Variants in DNAI1 observed in about 807,000 individuals in gnomAD.
DNAI1 encodes the protein dynein, axonemal, intermediate polypeptide 1.
Under a neutral mutation model 92.0 loss-of-function variants are expected in DNAI1, and 67 were observed. The observed-to-expected ratio is 0.73, with a 90% CI of 0.60 to 0.89. The LOEUF is 0.89. DNAI1 is among the 40% of genes least tolerant of loss of function. The pLI, the probability that DNAI1 is intolerant of heterozygous loss-of-function variation, is 0.00. For synonymous variants in DNAI1, 323 were observed against 319.6 expected (o/e 1.01, Z -0.11); for missense variants, 839 against 866.6 (o/e 0.97, Z 0.40).
At chr9:34,494,672 T>C (rs1345315524) in intron 9 of DNAI1, among the ~76,000 whole-genome samples, 2 of 152,022 alleles carry the variant, frequency 1.3e-5, no homozygotes, top group African/African-American at 4.8e-5. Flanking sequence ...CCTTGCAGAG[T>C]TGGTGTCTAA....
At position 34,485,452 on chromosome 9, in the gene DNAI1, T is replaced by C. The variant is rs1422515903; in HGVS notation, c.196T>C (p.Phe66Leu). The C allele has an allele frequency of 1.4e-5, 22 of 1,613,866 alleles. No homozygotes were observed. Among genetic ancestry groups the C allele is most frequent in the Non-Finnish European group, 1.7e-5 (20 of 1,180,000 alleles). The change falls in exon 4 of 20, where the codon TTC (phenylalanine) becomes CTC (leucine). Residue 66 changes from phenylalanine to leucine, a missense_variant. Phe to Leu is a conservative substitution (Grantham distance 22, BLOSUM62 0). Coordinates refer to ENST00000242317, the MANE Select transcript of DNAI1 (RefSeq NM_012144.4). The stretch of plus-strand genomic sequence containing the variant: ...TCTCCCTCAGGAGTTAAAGGAGGAG[T>C]TCACTCGGATTTTGACAGCCAACAA... ...ELTDAELKEE[F>L]TRILTANNPH...
intron 1 of DNAI1, among the ~76,000 whole-genome samples, chr9:34,471,645 C>G (rs1025423179): frequency 2.6e-5 from 4 of 151,902 alleles, no homozygotes; most frequent in Non-Finnish European, 5.9e-5. Context: ...TGGTGGGCAC[C>G]TATAACCCCA....
At chr9:34,511,011 T>A (rs1825055825) in intron 13 of DNAI1, among the ~76,000 whole-genome samples, 1 of 152,152 alleles carries the variant, frequency 6.6e-6, no homozygotes. Context: ...TCTACTTCCC[T>A]CCAGCCCCCA....
In DNAI1 at chr9:34,503,226, G is replaced by T. The variant is rs568499677; in HGVS notation, c.1063+2045G>T. On this transcript the variant is annotated intron_variant, in intron 12 of 19. Coordinates refer to ENST00000242317, the MANE Select transcript of DNAI1 (RefSeq NM_012144.4). Reference sequence around the variant, plus strand: ...CCTGCAGAGGCCTGAATAGAACCAGGCTGGCTGAGACTCAGGAAGGCCCCT... The same window carrying T: ...CCTGCAGAGGCCTGAATAGAACCAGTCTGGCTGAGACTCAGGAAGGCCCCT... 5.3e-5 allele frequency among the ~76,000 whole-genome samples: 8 copies of T among 152,288 alleles called. No homozygotes were observed. In the South Asian group the frequency reaches 1.7e-3, roughly 32 times the overall value.
At chr9:34,475,124 T>C (rs1824213949) in intron 1 of DNAI1, among the ~76,000 whole-genome samples, 2 of 152,222 alleles carry the variant, frequency 1.3e-5, no homozygotes, top group Non-Finnish European at 2.9e-5. Flanking sequence ...AGATTTAAAA[T>C]GTATTCAGTG....
intron 1 of DNAI1, among the ~76,000 whole-genome samples, chr9:34,462,987 A>G (rs1337443185): frequency 6.6e-6 from 1 of 152,200 alleles, no homozygotes; most frequent in Non-Finnish European, 1.5e-5. Context: ...TATATAGTAT[A>G]TTAGATGGTG....
At chr9:34,474,207 T>A (rs945057379) in intron 1 of DNAI1, among the ~76,000 whole-genome samples, 11 of 152,148 alleles carry the variant, frequency 7.2e-5, no homozygotes, top group Admixed American at 7.2e-4. Context: ...TGTATATACA[T>A]CTTATTCAGG....
chr9:34,462,863 G>A (rs1199866532), intron 1 of DNAI1, among the ~76,000 whole-genome samples: 3 of 152,164 alleles, frequency 2.0e-5, no homozygotes, highest in Non-Finnish European at 2.9e-5. Flanking sequence ...CTCTGTGTTA[G>A]GTACTGTTCT....
At chr9:34,479,402 A>G (rs1232824054) in intron 1 of DNAI1, among the ~76,000 whole-genome samples, 3 of 152,154 alleles carry the variant, frequency 2.0e-5, no homozygotes, top group South Asian at 2.1e-4. Flanking sequence ...CTCCTTTGCC[A>G]TGGTTGGGAA....
chr9:34,515,786 AGAGATG>A (rs1326262530), intron 18 of DNAI1, among the ~76,000 whole-genome samples: 1 of 152,216 alleles, frequency 6.6e-6, no homozygotes, highest in African/African-American at 2.4e-5. Flanking sequence ...GCAAATTTGT[AGAGATG>A]GAAAGTCAAT....
intron 13 of DNAI1, among the ~76,000 whole-genome samples, chr9:34,509,560 T>C (rs987637158): frequency 3.3e-5 from 5 of 151,838 alleles, no homozygotes; most frequent in Non-Finnish European, 5.9e-5. Context: ...TGAGCATAGT[T>C]CGAAAATTGC....
intron 12 of DNAI1, among the ~76,000 whole-genome samples, chr9:34,503,041 C>G (rs1438774330): frequency 1.3e-5 from 2 of 152,154 alleles, no homozygotes; most frequent in Non-Finnish European, 2.9e-5. Flanking sequence ...TCAGGGAGCC[C>G]GAGCAGAGAA....
intron 1 of DNAI1, among the ~76,000 whole-genome samples, chr9:34,462,984 T>C (rs529093724): frequency 6.6e-6 from 1 of 152,228 alleles, no homozygotes; most frequent in African/African-American, 2.4e-5. Flanking sequence ...AAATATATAG[T>C]ATATTAGATG....
chr9:34,481,275 T>G (rs1824348715), intron 1 of DNAI1, among the ~76,000 whole-genome samples: 1 of 152,254 alleles, frequency 6.6e-6, no homozygotes, highest in Non-Finnish European at 1.5e-5. Flanking sequence ...TTTAAATCTC[T>G]TTATTGCCTG....
chr9:34,477,087 C>T (rs1000518988), intron 1 of DNAI1, among the ~76,000 whole-genome samples: 2 of 152,028 alleles, frequency 1.3e-5, no homozygotes, highest in Non-Finnish European at 2.9e-5. Flanking sequence ...ACAATCATAG[C>T]GCACTGCAGC....
Position 34,489,996 on chromosome 9 carries a change from G to A in DNAI1, c.389-16G>A, listed in dbSNP as rs1824552585. 2 of 1,613,636 alleles carry A rather than the reference G, an allele frequency of 1.2e-6. 1 individual carries two copies. The highest frequency in any genetic ancestry group is 2.2e-5 in the South Asian group (2 of 90,926). ...GCAGGCTTAGACTTTGAACTCATTGGCAGTATCCTACCAAGGTTCTCAGGA... is the reference window on the plus strand; with the variant it reads ...GCAGGCTTAGACTTTGAACTCATTGACAGTATCCTACCAAGGTTCTCAGGA... On this transcript the variant is annotated splice_polypyrimidine_tract_variant and intron_variant, in intron 5 of 19. Coordinates refer to ENST00000242317, the MANE Select transcript of DNAI1 (RefSeq NM_012144.4).
At chr9:34,517,800 C>T (rs1825198673) in intron 19 of DNAI1, among the ~76,000 whole-genome samples, 1 of 152,178 alleles carries the variant, frequency 6.6e-6, no homozygotes, top group Non-Finnish European at 1.5e-5. Flanking sequence ...ACAGGTCACC[C>T]AGGCAGGGGG....
intron 19 of DNAI1, among the ~76,000 whole-genome samples, chr9:34,518,383 C>T (rs1026813659): frequency 2.6e-5 from 4 of 152,242 alleles, no homozygotes; most frequent in African/African-American, 7.2e-5. Flanking sequence ...GCTGGCTTGG[C>T]CTGTTCCCCA....
intron 18 of DNAI1, among the ~76,000 whole-genome samples, chr9:34,515,796 A>G (rs958336253): frequency 6.6e-6 from 1 of 152,226 alleles, no homozygotes; most frequent in Non-Finnish European, 1.5e-5. Context: ...AGAGATGGAA[A>G]GTCAATTTGT....
Sources: gnomAD v4.1 joint callset for allele counts (sites outside exome capture counted in the v4.1 genomes callset) on GRCh38, gnomAD v4.1.1 for gene constraint, MANE v1.5 for transcripts, NCBI Gene and HGNC (gene_info 2026-07-23, HGNC 2026-07-21) for gene names.